The following GPBP1 variants were observed in gnomAD, a reference collection of about 807,000 sequenced individuals.
GPBP1 encodes the protein vasculin.
GPBP1 carries 13 observed loss-of-function variants against 56.5 expected under a neutral mutation model. That is an observed-to-expected ratio of 0.23 (90% confidence interval 0.15 to 0.37). GPBP1 has a LOEUF of 0.37. GPBP1 is among the 10% of genes least tolerant of loss of function. GPBP1 has a pLI of 1.00. For missense variants in GPBP1, 477 were observed against 572.3 expected (o/e 0.83, Z 1.70); for synonymous variants, 204 against 188.9 (o/e 1.08, Z -0.66).
chr5:57,191,819 C>A (rs1754538999), intron 2 of GPBP1, among the ~76,000 whole-genome samples: 1 of 152,186 alleles, frequency 6.6e-6, no homozygotes, highest in Non-Finnish European at 1.5e-5. Flanking sequence ...CTCTGCCTCC[C>A]AAAGTGCTGG....
At chr5:57,251,213 T>C (rs1741370678) in intron 10 of GPBP1, 72 bp downstream of exon 10, 1 of 1,300,470 alleles carries the variant, frequency 7.7e-7, no homozygotes, top group South Asian at 1.4e-5. Context: ...AGTTTTTACG[T>C]GATTTAACAG....
chr5:57,258,953 A>G (rs1257792794), intron 10 of GPBP1, among the ~76,000 whole-genome samples: 2 of 152,238 alleles, frequency 1.3e-5, no homozygotes, highest in Non-Finnish European at 2.9e-5. Flanking sequence ...AAAAGTTTGG[A>G]TCCAGCAAAA....
intron 6 of GPBP1, among the ~76,000 whole-genome samples, chr5:57,238,187 A>G (rs1740627566): frequency 6.6e-6 from 1 of 152,210 alleles, no homozygotes; most frequent in Non-Finnish European, 1.5e-5. Context: ...AAATAATGTA[A>G]TTGTTTGATT....
intron 2 of GPBP1, among the ~76,000 whole-genome samples, chr5:57,179,803 G>T (rs1753961277): frequency 1.3e-5 from 2 of 152,088 alleles, no homozygotes; most frequent in African/African-American, 4.8e-5. Context: ...TCACCACGTT[G>T]GTCAGGCTGT....
intron 2 of GPBP1, among the ~76,000 whole-genome samples, chr5:57,204,125 A>AT (rs1301225651): frequency 6.6e-6 from 1 of 152,236 alleles, no homozygotes; most frequent in Non-Finnish European, 1.5e-5. Context: ...CTAAATATTA[A>AT]TAAAGTTTCG....
intron 2 of GPBP1, among the ~76,000 whole-genome samples, chr5:57,187,237 C>A (rs368306140): frequency 6.6e-6 from 1 of 151,938 alleles, no homozygotes; most frequent in Admixed American, 6.6e-5. Context: ...ATCTTGAATT[C>A]GTATGTCAAT....
intron 3 of GPBP1, among the ~76,000 whole-genome samples, chr5:57,226,590 T>C (rs1331630564): frequency 1.4e-5 from 2 of 143,722 alleles, no homozygotes; most frequent in South Asian, 2.3e-4. Flanking sequence ...GATTGAGTCT[T>C]GCTCTGTCAC....
intron 2 of GPBP1, among the ~76,000 whole-genome samples, chr5:57,182,513 T>C (rs1754098372): frequency 6.6e-6 from 1 of 151,050 alleles, no homozygotes; most frequent in Non-Finnish European, 1.5e-5. Flanking sequence ...GCTGGGATTA[T>C]AGGCGCCTGG....
At chr5:57,224,404 G>A (rs1285871821) in intron 3 of GPBP1, among the ~76,000 whole-genome samples, 1 of 151,456 alleles carries the variant, frequency 6.6e-6, no homozygotes. Flanking sequence ...CACCATGCCC[G>A]GCTAATTTTT....
rs569232028 is a variant in GPBP1 at position 57,182,185 on chromosome 5, G to C, written c.-58+5785G>C. ...TGCAACCTCCACCTCCCAGGCTCAA[G>C]TGCTGCTTCTGCCTCAGCCTCCCTA... On this transcript the variant is annotated intron_variant, in intron 2 of 11. Coordinates refer to ENST00000506184, the MANE Select transcript of GPBP1 (RefSeq NM_022913.4). Among the ~76,000 whole-genome samples, 254 of 152,222 alleles carry C rather than the reference G, an allele frequency of 1.7e-3. 3 individuals carry two copies. The highest frequency in any genetic ancestry group is 0.013 in the Admixed American group (201 of 15,278).
At chr5:57,219,419 C>CAAAAAAAAAAAAAAAAA (rs5868039) in intron 3 of GPBP1, among the ~76,000 whole-genome samples, 1 of 68,068 alleles carries the variant, frequency 1.5e-5, no homozygotes, top group African/African-American at 5.2e-5. Context: ...AACAAACAAA[C>CAAAAAAAAAAAAAAAAA]AAAAAAAAAA....
intron 2 of GPBP1, among the ~76,000 whole-genome samples, chr5:57,206,941 A>C (rs1449105079): frequency 6.6e-6 from 1 of 152,058 alleles, no homozygotes; most frequent in Non-Finnish European, 1.5e-5. Context: ...TCTCTACGAA[A>C]AATATTTTTA....
At chr5:57,218,927 C>T (rs1208148788) in intron 3 of GPBP1, among the ~76,000 whole-genome samples, 3 of 152,132 alleles carry the variant, frequency 2.0e-5, no homozygotes, top group Non-Finnish European at 2.9e-5. Context: ...TCATCTAAAC[C>T]TTATACAGAT....
chr5:57,183,113 C>G (rs1470607622), intron 2 of GPBP1, among the ~76,000 whole-genome samples: 1 of 152,192 alleles, frequency 6.6e-6, no homozygotes, highest in Admixed American at 6.5e-5. Context: ...TGCCTGTAAT[C>G]CCAGCACTTT....
At chr5:57,174,538 C>T (rs1219811795) in intron 1 of GPBP1, among the ~76,000 whole-genome samples, 1 of 152,164 alleles carries the variant, frequency 6.6e-6, no homozygotes, top group Non-Finnish European at 1.5e-5. Context: ...GCCTTCCTTC[C>T]CCCGGCCTCT....
Position 57,175,771 on chromosome 5 carries a change from C to T in GPBP1, c.-687C>T, listed in dbSNP as rs1753768006. The T allele has an allele frequency of 3.3e-5, 13 of 396,638 alleles. No individual in the cohort carries two copies. The East Asian group carries it at 4.6e-4, about 14-fold the overall frequency. 24.6% of individuals were successfully genotyped at this position (396,638 alleles called of 1,614,324 possible). On this transcript the variant is annotated 5_prime_UTR_variant, in exon 2 of 12. The change creates a new upstream start codon in the 5' untranslated region. Coordinates refer to ENST00000506184, the MANE Select transcript of GPBP1 (RefSeq NM_022913.4). ...GGGTTCTTCAGCCGAAACTGAGAGA[C>T]GTTGATTTGTGTACTGAGTAGTTTC... is the stretch of plus-strand genomic sequence containing the variant.
chr5:57,181,521 C>G (rs956784357), intron 2 of GPBP1, among the ~76,000 whole-genome samples: 2 of 150,818 alleles, frequency 1.3e-5, no homozygotes, highest in African/African-American at 2.4e-5. Flanking sequence ...TGCCTATTAT[C>G]CTAATACTTT....
intron 2 of GPBP1, among the ~76,000 whole-genome samples, chr5:57,190,985 CAT>C (rs575329758): frequency 2.2e-3 from 334 of 152,162 alleles, no homozygotes; most frequent in Non-Finnish European, 2.7e-3. Flanking sequence ...CTAGGCAAAA[CAT>C]ATTGTCTTGA....
chr5:57,260,064 C>G (rs927261069), intron 10 of GPBP1, among the ~76,000 whole-genome samples: 1 of 152,104 alleles, frequency 6.6e-6, no homozygotes, highest in South Asian at 2.1e-4. Context: ...TTTAAACTTT[C>G]CATTGAAAGC....
Sources: gnomAD v4.1 joint callset for allele counts (sites outside exome capture counted in the v4.1 genomes callset) on GRCh38, gnomAD v4.1.1 for gene constraint, MANE v1.5 for transcripts, NCBI Gene and HGNC (gene_info 2026-07-23, HGNC 2026-07-21) for gene names.